Variants in ALCAM observed in about 807,000 individuals in gnomAD.
ALCAM encodes the protein activated leukocyte cell adhesion molecule.
A neutral mutation model predicts 70.9 loss-of-function variants in ALCAM; 30 were observed. The observed-to-expected ratio is 0.42, with a 90% CI of 0.32 to 0.57. The LOEUF is 0.57. Ranked by LOEUF, ALCAM falls within the 20% of genes least tolerant of loss-of-function variation. The probability of loss-of-function intolerance (pLI) is 0.11; values close to 1 mark genes in which losing one functional copy is unlikely to be tolerated. For missense variants in ALCAM, 591 were observed against 695.1 expected, an observed-to-expected ratio of 0.85 and a Z score of 1.68; for synonymous variants, 249 against 242.5, an observed-to-expected ratio of 1.03 and a Z score of -0.25.
At chr3:105,385,863 G>T (rs1233609401) in intron 1 of ALCAM, among the ~76,000 whole-genome samples, 1 of 151,624 alleles carries the variant, frequency 6.6e-6, no homozygotes, top group Non-Finnish European at 1.5e-5. Context: ...ACATAAATAT[G>T]CCATGCACAT....
intron 1 of ALCAM, among the ~76,000 whole-genome samples, chr3:105,388,929 T>C (rs1198221898): frequency 2.0e-5 from 3 of 151,512 alleles, no homozygotes; most frequent in Non-Finnish European, 4.4e-5. Context: ...GAAAGAATAA[T>C]TGAAACAAGT....
chr3:105,524,009 A>T (rs1939622929), intron 2 of ALCAM, among the ~76,000 whole-genome samples: 1 of 152,150 alleles, frequency 6.6e-6, no homozygotes, highest in Non-Finnish European at 1.5e-5. Flanking sequence ...AAACATATGC[A>T]GCCCATGTAA....
intron 1 of ALCAM, among the ~76,000 whole-genome samples, chr3:105,409,025 A>G (rs1247913042): frequency 6.6e-6 from 1 of 152,108 alleles, no homozygotes; most frequent in Admixed American, 6.6e-5. Context: ...AAGAATGACC[A>G]TAATCAAAAA....
At chr3:105,460,689 T>G (rs1385340032) in intron 1 of ALCAM, among the ~76,000 whole-genome samples, 1 of 151,890 alleles carries the variant, frequency 6.6e-6, no homozygotes, top group East Asian at 1.9e-4. Context: ...TCTCCCATCA[T>G]AACTCTTCTC....
rs552880897 is a variant in ALCAM, at chr3:105,511,350, T to C, written c.74-8717T>C. On this transcript the variant is annotated intron_variant, in intron 1 of 15. Coordinates refer to ENST00000306107, the MANE Select transcript of ALCAM (RefSeq NM_001627.4). The stretch of plus-strand genomic sequence containing the variant: ...CTGATTTCCCAAGTGTATGTGACTA[T>C]TTGTTTTATTTTTAATTTCCTCTTT... 2.6e-5 allele frequency among the ~76,000 whole-genome samples: 4 copies of C among 152,172 alleles called. No individual in the cohort carries two copies. In the South Asian group the frequency reaches 8.3e-4, roughly 32 times the overall value.
rs560738187 is a variant in ALCAM at position 105,379,496 on chromosome 3, A to C, written c.73+12015A>C. On this transcript the variant is annotated intron_variant, in intron 1 of 15. Transcript: ENST00000306107. ...TTCCACAAAAAAAAGAGAAAAAAAC[A>C]CGTGTTAAAATTATAAAGACATATG... 2.6e-5 allele frequency among the ~76,000 whole-genome samples: 4 copies of C among 151,930 alleles called. No homozygotes were observed. In the East Asian group the frequency reaches 7.7e-4, roughly 29 times the overall value.
intron 1 of ALCAM, among the ~76,000 whole-genome samples, chr3:105,368,223 AAGAGAGAGAGAG>A (rs5851454): frequency 4.9e-4 from 33 of 67,832 alleles, no homozygotes; most frequent in African/African-American, 1.7e-3. Context: ...TGAGTCTTGG[AAGAGAGAGAGAG>A]AGAGAGAGAG....
intron 1 of ALCAM, among the ~76,000 whole-genome samples, chr3:105,396,908 A>AGT (rs1935966726): frequency 1.3e-5 from 2 of 152,070 alleles, no homozygotes. Flanking sequence ...GTGGCATGAA[A>AGT]GTGTTAACTA....
At chr3:105,522,303 C>A (rs1001366044) in intron 2 of ALCAM, among the ~76,000 whole-genome samples, 3 of 151,852 alleles carry the variant, frequency 2.0e-5, no homozygotes, top group Admixed American at 6.6e-5. Flanking sequence ...AGAAATCAAA[C>A]AATAATGGCA....
At chr3:105,401,411 CAGG>C (rs1936086621) in intron 1 of ALCAM, among the ~76,000 whole-genome samples, 1 of 152,158 alleles carries the variant, frequency 6.6e-6, no homozygotes, top group Admixed American at 6.5e-5. Flanking sequence ...ACAAAATGTT[CAGG>C]AGAAGATAAT....
chr3:105,387,911 A>T (rs1030437032), intron 1 of ALCAM, among the ~76,000 whole-genome samples: 3 of 151,646 alleles, frequency 2.0e-5, no homozygotes, highest in Non-Finnish European at 4.4e-5. Context: ...CCAAATAAAA[A>T]TAATATTTGC....
At chr3:105,563,613 G>C (rs1386989309) in intron 14 of ALCAM, among the ~76,000 whole-genome samples, 1 of 141,334 alleles carries the variant, frequency 7.1e-6, no homozygotes, top group Non-Finnish European at 1.5e-5. Context: ...ATGTTTCCCT[G>C]TGGTTTCTTC....
At chr3:105,490,851 A>T (rs1161423365) in intron 1 of ALCAM, among the ~76,000 whole-genome samples, 1 of 152,140 alleles carries the variant, frequency 6.6e-6, no homozygotes. Flanking sequence ...TTCTCGGCAC[A>T]CAGTGCAAGC....
At chr3:105,499,564 CT>C (rs1419442878) in intron 1 of ALCAM, among the ~76,000 whole-genome samples, 1 of 152,002 alleles carries the variant, frequency 6.6e-6, no homozygotes, top group Non-Finnish European at 1.5e-5. Flanking sequence ...TATTTTTTGC[CT>C]TAAAACTGTA....
At position 105,531,880 on chromosome 3, in the gene ALCAM, A is replaced by T. The variant is rs530642719; in HGVS notation, c.395-122A>T. ...AAATCCAGATTGTATAACGAAATCT[A>T]TTTTTATTCTGTTGCTTATTCTTCT... is the stretch of plus-strand genomic sequence containing the variant. On this transcript the variant is annotated intron_variant, in intron 3 of 15. Coordinates refer to ENST00000306107, the MANE Select transcript of ALCAM (RefSeq NM_001627.4). The T allele has an allele frequency of 1.4e-4, 117 of 833,568 alleles. No individual in the cohort carries two copies. In the South Asian group the frequency reaches 1.5e-3, roughly 11 times the overall value. The allele number at this position is 833,568 out of a possible 1,614,324, so 51.6% of individuals were successfully genotyped here.
chr3:105,524,224 T>A, intron 2 of ALCAM, 65 bp from the exon 3 acceptor site: 18 of 1,340,014 alleles, frequency 1.3e-5, no homozygotes, highest in Admixed American at 4.5e-5. Flanking sequence ...AAATGTTATT[T>A]TGAATGTAAT....
intron 3 of ALCAM, among the ~76,000 whole-genome samples, chr3:105,527,858 C>A (rs1168336068): frequency 6.6e-6 from 1 of 151,778 alleles, no homozygotes; most frequent in Non-Finnish European, 1.5e-5. Flanking sequence ...AATTAAGTGT[C>A]TTTGCTTTCA....
chr3:105,425,072 A>T (rs1220929702), intron 1 of ALCAM, among the ~76,000 whole-genome samples: 1 of 140,766 alleles, frequency 7.1e-6, no homozygotes, highest in Non-Finnish European at 1.7e-5. Context: ...TTTGATTCTC[A>T]TTCTACAGAT....
intron 3 of ALCAM, chr3:105,524,939 A>T: frequency 1.0e-6 from 1 of 985,954 alleles, no homozygotes; most frequent in Non-Finnish European, 1.2e-6. Context: ...CTGCATAATA[A>T]AAAAATATAA....
Sources: gnomAD v4.1 joint callset for allele counts (sites outside exome capture counted in the v4.1 genomes callset) on GRCh38, gnomAD v4.1.1 for gene constraint, MANE v1.5 for transcripts, NCBI Gene and HGNC (gene_info 2026-07-23, HGNC 2026-07-21) for gene names.